The following GPX5 variants were observed in gnomAD, a reference collection of about 807,000 sequenced individuals.
GPX5 encodes epididymal secretory glutathione peroxidase.
GPX5 carries 20 observed loss-of-function variants against 23.8 expected under a neutral mutation model. The observed-to-expected ratio is 0.84, with a 90% CI of 0.59 to 1.22. GPX5 has a LOEUF of 1.22. Among genes scored for constraint, GPX5 ranks in the 50% most tolerant of loss-of-function variants. GPX5 has a pLI of 0.00. For synonymous variants in GPX5, 92 were observed against 99.5 expected (o/e 0.92, Z 0.45); for missense variants, 230 against 266.6 (o/e 0.86, Z 0.96).
chr6:28,529,683 T>C (rs1581853915), intron 2 of GPX5, 79 bp downstream of exon 2: 13 of 998,450 alleles, frequency 1.3e-5, no homozygotes, highest in Non-Finnish European at 1.7e-5. Flanking sequence ...TGGAATTATA[T>C]TTTAATTATA....
chr6:28,533,546 A>T (rs574349191), intron 4 of GPX5, among the ~76,000 whole-genome samples: 2 of 152,332 alleles, frequency 1.3e-5, no homozygotes, highest in South Asian at 2.1e-4. Flanking sequence ...TGTTTTAAAA[A>T]TTTTTGTTAT....
At chr6:28,529,961 A>G (rs150804002) in intron 2 of GPX5, 164 of 176,468 alleles carry the variant, frequency 9.3e-4, no homozygotes, top group Admixed American at 2.5e-3. Flanking sequence ...TACAGAAAAA[A>G]TGTGCTAACC....
At chr6:28,528,559 C>A (rs73742925) in intron 1 of GPX5, 2 of 152,002 alleles carry the variant, frequency 1.3e-5, no homozygotes, top group East Asian at 3.9e-4. Context: ...AGACAGGAGG[C>A]CTTCAATCCA....
At chr6:28,529,310 C>A in intron 1 of GPX5, 141 bp from the exon 2 acceptor site, 1 of 554,360 alleles carries the variant, frequency 1.8e-6, no homozygotes, top group Non-Finnish European at 2.9e-6. Flanking sequence ...AAGTTTCAGT[C>A]TTGTCATTGA....
intron 2 of GPX5, chr6:28,530,050 AG>A (rs1472872893): frequency 2.0e-5 from 3 of 153,400 alleles, no homozygotes; most frequent in African/African-American, 7.2e-5. Flanking sequence ...GGAGCCTCTC[AG>A]AAGATTCCAG....
chr6:28,531,789 C>G lies in GPX5; in HGVS notation c.253C>G (p.Leu85Val), dbSNP rs769188. ...TCCTCTAACTGCAGAACTAAATGCA[C>G]TCCAGGAGGAGCTGAAGCCCTATGG... ...LTAQYPELNA[L>V]QEELKPYGLV... Residue 85 changes from leucine (L) to valine (V), a missense_variant, in exon 3 of 5, where the codon CTC becomes GTC. Coordinates refer to ENST00000412168, the MANE Select transcript of GPX5 (RefSeq NM_001509.3). 1.1e-3 allele frequency: 1,760 copies of G among 1,610,502 alleles called. 25 individuals carry two copies. In the African/African-American group the frequency reaches 0.02, roughly 18 times the overall value.
At chr6:28,531,755 A>C in intron 2 of GPX5, 23 bp from the exon 3 acceptor site, 1 of 1,529,646 alleles carries the variant, frequency 6.5e-7, no homozygotes. Context: ...CCTAGACCAA[A>C]ATTGTTCCTC....
intron 1 of GPX5, chr6:28,527,650 T>C (rs1363253008): frequency 1.3e-5 from 2 of 152,280 alleles, no homozygotes; most frequent in African/African-American, 2.4e-5. Flanking sequence ...TATCAAATAA[T>C]GCCCTTCTCT....
chr6:28,531,375 A>G (rs1249591460), intron 2 of GPX5, among the ~76,000 whole-genome samples: 7 of 101,270 alleles, frequency 6.9e-5, no homozygotes, highest in African/African-American at 3.5e-4. Flanking sequence ...TGTCTCAAAA[A>G]AAAAAAAAAA....
At chr6:28,532,049 G>A (rs1425109994) in intron 3 of GPX5, among the ~76,000 whole-genome samples, 154 bp downstream of exon 3, 5 of 152,052 alleles carry the variant, frequency 3.3e-5, no homozygotes, top group South Asian at 2.1e-4. Flanking sequence ...CGTGATGAGC[G>A]TCTGGCAGTT....
At chr6:28,533,412 G>C (rs1763364002) in intron 4 of GPX5, among the ~76,000 whole-genome samples, 1 of 152,154 alleles carries the variant, frequency 6.6e-6, no homozygotes, top group Non-Finnish European at 1.5e-5. Context: ...AAAAAGAACA[G>C]TGTGGGAAGT....
chr6:28,531,985 G>C, intron 3 of GPX5, 90 bp downstream of exon 3: 1 of 915,966 alleles, frequency 1.1e-6, no homozygotes, highest in Non-Finnish European at 1.8e-6. Flanking sequence ...TTTCTGGGGA[G>C]GTATGGATTA....
intron 1 of GPX5, chr6:28,528,337 C>G (rs1041024108): frequency 6.6e-6 from 1 of 152,092 alleles, no homozygotes; most frequent in African/African-American, 2.4e-5. Context: ...CTTCATTTTA[C>G]TCATGGGGAA....
At chr6:28,526,167 T>G in intron 1 of GPX5, 67 bp downstream of exon 1, 1 of 1,196,100 alleles carries the variant, frequency 8.4e-7, no homozygotes, top group Non-Finnish European at 1.2e-6. Context: ...TGCCCTCCAC[T>G]CCTTCTTGTA....
intron 1 of GPX5, among the ~76,000 whole-genome samples, chr6:28,528,843 A>G (rs374936901): frequency 0.044 from 115 of 2,620 alleles, 13 homozygotes; most frequent in South Asian, 0.26. Flanking sequence ...ATATATATAT[A>G]TATATATATA....
At chr6:28,531,388 A>G (rs1201984357) in intron 2 of GPX5, among the ~76,000 whole-genome samples, 2 of 69,792 alleles carry the variant, frequency 2.9e-5, no homozygotes, top group Admixed American at 1.7e-4. Flanking sequence ...AAAAAAAAAA[A>G]AAAAAGAAAA....
chr6:28,534,723 T>G lies in GPX5; in HGVS notation c.*556T>G. On this transcript the variant is annotated 3_prime_UTR_variant, in exon 5 of 5. Coordinates refer to ENST00000412168, the MANE Select transcript of GPX5 (RefSeq NM_001509.3). ...CCATTCTCCTGTGGGAGCAAGAACA[T>G]TGCTTCAAAAGAAGAGAGGGCATCT... 1 of 152,424 alleles carries G rather than the reference T, an allele frequency of 6.6e-6. No individual in the cohort carries two copies. Among genetic ancestry groups the G allele is most frequent in the Non-Finnish European group, 1.5e-5 (1 of 68,136 alleles). 9.4% of individuals were successfully genotyped at this position (152,424 alleles called of 1,614,324 possible). A position where few individuals can be genotyped will look rare whatever the true frequency, so the allele number is the denominator to read the frequency against.
Position 28,534,165 on chromosome 6 carries a change from T to C in GPX5, c.664T>C (p.Ter222GlnextTer77). 6.3e-7 allele frequency: 1 copy of C among 1,577,504 alleles called. No homozygotes were observed. The highest frequency in any genetic ancestry group is 8.6e-7 in the Non-Finnish European group (1 of 1,163,486). Reference protein sequence around the residue: ...LAYLKQFKTK* With the variant: ...LAYLKQFKTKQ ...GTACTTGAAGCAATTCAAAACCAAA[T>C]AGGAAGGTGGAGTTAAGGGCAGGAG... Residue 222 changes from the stop codon to glutamine, a stop_lost, in exon 5 of 5, where the codon TAG becomes CAG. Coordinates refer to ENST00000412168, the MANE Select transcript of GPX5 (RefSeq NM_001509.3).
rs148673409 is a variant in GPX5 at position 28,529,740 on chromosome 6, A to C, written c.241+136A>C. On this transcript the variant is annotated intron_variant, in intron 2 of 4. Transcript: ENST00000412168. ...TCATAATCAAGTGACTTCATCCTCCATATCAGAAGTCAGCAAGCTTGGGTG... is the reference window on the plus strand; with the variant it reads ...TCATAATCAAGTGACTTCATCCTCCCTATCAGAAGTCAGCAAGCTTGGGTG... 129 of 782,800 alleles carry C rather than the reference A, an allele frequency of 1.6e-4. No homozygotes were observed. In the African/African-American group the frequency reaches 1.9e-3, roughly 11 times the overall value. 48.5% of individuals were successfully genotyped at this position (782,800 alleles called of 1,614,324 possible). A position where few individuals can be genotyped will look rare whatever the true frequency, so the allele number is the denominator to read the frequency against.
Sources: gnomAD v4.1 joint callset for allele counts (sites outside exome capture counted in the v4.1 genomes callset) on GRCh38, gnomAD v4.1.1 for gene constraint, MANE v1.5 for transcripts, NCBI Gene and HGNC (gene_info 2026-07-23, HGNC 2026-07-21) for gene names.